DTNA: variants seen among roughly 807,000 people sequenced by gnomAD.
DTNA encodes the protein dystrophin-related protein 3.
In DTNA, 43 loss-of-function variants were observed where a neutral mutation model predicts 100.7. The ratio of observed to expected loss-of-function variants is 0.43; its 90% CI spans 0.33 to 0.55. The LOEUF is 0.55. Ranked by LOEUF, DTNA falls within the 20% of genes least tolerant of loss-of-function variation. DTNA has a pLI of 0.04. For synonymous variants in DTNA, 349 were observed against 347.9 expected, an observed-to-expected ratio of 1.00 and a Z score of -0.04; for missense variants, 798 against 953.9, an observed-to-expected ratio of 0.84 and a Z score of 2.15.
intron 1 of DTNA, among the ~76,000 whole-genome samples, chr18:34,653,542 G>T (rs1373277263): frequency 2.6e-5 from 4 of 152,154 alleles, no homozygotes; most frequent in African/African-American, 4.8e-5. Context: ...ACCACTGAGG[G>T]TCAGGTGCAG....
intron 3 of DTNA, among the ~76,000 whole-genome samples, chr18:34,780,213 G>A (rs964180864): frequency 6.6e-6 from 1 of 152,168 alleles, no homozygotes; most frequent in Admixed American, 6.5e-5. Context: ...AAATTATAAA[G>A]TTCTATTTGT....
intron 1 of DTNA, among the ~76,000 whole-genome samples, chr18:34,529,741 T>C (rs996721216): frequency 5.9e-5 from 9 of 152,146 alleles, no homozygotes; most frequent in African/African-American, 2.2e-4. Flanking sequence ...TAAGCTGATA[T>C]TACAGTGTCA....
chr18:34,850,309 A>G (rs551055826), intron 14 of DTNA, among the ~76,000 whole-genome samples: 3 of 152,342 alleles, frequency 2.0e-5, no homozygotes, highest in Admixed American at 6.5e-5. Context: ...TTATCAATAC[A>G]TAAAGTATAT....
Position 34,765,944 on chromosome 18 carries a change from C to CT in DTNA, c.68-12dup, listed in dbSNP as rs1568450052. 6.2e-7 allele frequency: 1 copy of CT among 1,613,234 alleles called. No homozygotes were observed. The highest frequency in any genetic ancestry group is 8.5e-7 in the Non-Finnish European group (1 of 1,179,480). Reference sequence around the variant, plus strand: ...GCACACATGGCATACCTTATGTGTCCTTTTTCCCCGCACTAGGGGCTCAAG... The same window carrying CT: ...GCACACATGGCATACCTTATGTGTCCTTTTTTCCCCGCACTAGGGGCTCAAG... On this transcript the variant is annotated splice_polypyrimidine_tract_variant and intron_variant, in intron 2 of 22. Coordinates refer to ENST00000444659, the MANE Select transcript of DTNA (RefSeq NM_001386795.1).
chr18:34,724,283 G>A lies in DTNA; in HGVS notation c.-2+13838G>A, dbSNP rs900978446. On this transcript the variant is annotated intron_variant, in intron 1 of 22. Transcript: ENST00000444659. ...ATGTACAGAATGTCTTTTATAGTGT[G>A]ATATAATGTCTTATAACAGGAAAAT... Among the ~76,000 whole-genome samples the A allele has an allele frequency of 2.6e-5, 4 of 152,092 alleles. No individual in the cohort carries two copies. In the East Asian group the frequency reaches 7.7e-4, roughly 29 times the overall value.
chr18:34,563,979 G>GT (rs2046865982), intron 1 of DTNA, among the ~76,000 whole-genome samples: 1 of 151,516 alleles, frequency 6.6e-6, no homozygotes, highest in African/African-American at 2.4e-5. Context: ...GTGTGTGTGT[G>GT]TGTAGTGAGG....
intron 11 of DTNA, among the ~76,000 whole-genome samples, chr18:34,830,609 T>C (rs992423931): frequency 2.6e-5 from 4 of 152,046 alleles, no homozygotes; most frequent in African/African-American, 9.7e-5. Context: ...TTTCCCTTAC[T>C]TAAAAGAAAA....
rs766713206 is a variant in DTNA, at chr18:34,542,297, C to G, written c.-2+48783C>G. Among the ~76,000 whole-genome samples, 148 of 151,978 alleles carry G rather than the reference C, an allele frequency of 9.7e-4. 3 individuals are homozygous for G. The highest frequency in any genetic ancestry group is 2.0e-4 in the Admixed American group (3 of 15,238). ...AATTTGCCACTGAGAACCCACCATT[C>G]AGAACAACAGTCCAACTTCAAATTG... On this transcript the variant is annotated intron_variant, in intron 1 of 19. Coordinates refer to the DTNA transcript ENST00000283365.
In DTNA at chr18:34,891,174, A is replaced by G. The variant is rs2096962865; in HGVS notation, c.*3440A>G. 1.3e-5 allele frequency: 2 copies of G among 152,572 alleles called. No individual in the cohort carries two copies. Among genetic ancestry groups the G allele is most frequent in the African/African-American group, 2.4e-5 (1 of 41,462 alleles). 9.5% of individuals were successfully genotyped at this position (152,572 alleles called of 1,614,324 possible). On this transcript the variant is annotated 3_prime_UTR_variant, in exon 23 of 23. Transcript: ENST00000444659. ...AATTTGACACCATTTGAAATAATCAATTCAGAGACACTAAAGATTTCACAA... is the reference window on the plus strand; with the variant it reads ...AATTTGACACCATTTGAAATAATCAGTTCAGAGACACTAAAGATTTCACAA...
intron 16 of DTNA, among the ~76,000 whole-genome samples, chr18:34,862,531 G>A (rs2096642442): frequency 6.6e-6 from 1 of 152,030 alleles, no homozygotes; most frequent in African/African-American, 2.4e-5. Context: ...ATAAGAAAGT[G>A]AATTAGAAAT....
At chr18:34,860,220 G>GTTTTTT (rs55673388) in intron 16 of DTNA, among the ~76,000 whole-genome samples, 32 of 80,274 alleles carry the variant, frequency 4.0e-4, no homozygotes, top group East Asian at 9.0e-4. Context: ...CTAATTTTTT[G>GTTTTTT]TTTTTTTTTT....
At chr18:34,837,491 A>C (rs1348567869) in intron 11 of DTNA, among the ~76,000 whole-genome samples, 2 of 152,232 alleles carry the variant, frequency 1.3e-5, no homozygotes, top group African/African-American at 2.4e-5. Flanking sequence ...TAGCAATGAG[A>C]CTATATTCAC....
chr18:34,797,225 G>C (rs1279333803), intron 4 of DTNA, among the ~76,000 whole-genome samples: 1 of 152,134 alleles, frequency 6.6e-6, no homozygotes, highest in Non-Finnish European at 1.5e-5. Context: ...CTGGGAGGGG[G>C]TCACCCAGGG....
At position 34,753,181 on chromosome 18, in the gene DTNA, G is replaced by A. The variant is rs371029642; in HGVS notation, c.-1-2795G>A. On this transcript the variant is annotated intron_variant, in intron 1 of 22. Transcript: ENST00000444659. ...TAAGATATGTGAGGTTAGTGCTCTC[G>A]AAACCTTACAGAGAAACAGACAAAG... 5.3e-5 allele frequency among the ~76,000 whole-genome samples: 8 copies of A among 151,906 alleles called. No individual in the cohort carries two copies. The East Asian group carries it at 7.7e-4, about 15-fold the overall frequency.
chr18:34,499,445 T>TA (rs1260420256), intron 1 of DTNA, among the ~76,000 whole-genome samples: 1 of 152,244 alleles, frequency 6.6e-6, no homozygotes, highest in Admixed American at 6.5e-5. Context: ...AAAACTACGA[T>TA]AGACGTTCAT....
chr18:34,577,627 A>T (rs1484567030), intron 1 of DTNA, among the ~76,000 whole-genome samples: 2 of 152,190 alleles, frequency 1.3e-5, no homozygotes, highest in East Asian at 3.9e-4. Flanking sequence ...CCATCGTGTC[A>T]TTCTTATGCC....
intron 1 of DTNA, among the ~76,000 whole-genome samples, chr18:34,603,614 A>C (rs1010152179): frequency 6.6e-6 from 1 of 152,128 alleles, no homozygotes; most frequent in Non-Finnish European, 1.5e-5. Context: ...ATATTTGTTT[A>C]ATACTGTTGA....
At chr18:34,689,882 G>A (rs978422819) in intron 1 of DTNA, among the ~76,000 whole-genome samples, 1 of 152,176 alleles carries the variant, frequency 6.6e-6, no homozygotes, top group African/African-American at 2.4e-5. Flanking sequence ...TGGCTACAGT[G>A]GCTTTGAGGT....
At chr18:34,706,084 A>G (rs1433484954), upstream of DTNA, among the ~76,000 whole-genome samples, 1 of 152,104 alleles carries the variant, frequency 6.6e-6, no homozygotes, top group Non-Finnish European at 1.5e-5. Flanking sequence ...AGTAGCTGGG[A>G]TTACAGGCAA....
Sources: allele counts gnomAD v4.1 joint callset (sites outside exome capture counted in the v4.1 genomes callset), GRCh38; gene constraint gnomAD v4.1.1; transcripts MANE v1.5; gene names NCBI Gene and HGNC (gene_info 2026-07-23, HGNC 2026-07-21).